AGMO: variants seen among roughly 807,000 people sequenced by gnomAD.
AGMO encodes the protein glyceryl-ether monooxygenase.
A neutral mutation model predicts 60.2 loss-of-function variants in AGMO; 75 were observed. That is an observed-to-expected ratio of 1.25 (90% CI 1.03 to 1.51). The LOEUF (loss-of-function observed/expected upper bound fraction) is 1.51, where lower values mean the gene tolerates loss of function less well. Among genes scored for constraint, AGMO ranks in the 40% most tolerant of loss-of-function variants. AGMO has a pLI of 0.00. For missense variants in AGMO, 763 were observed against 525.5 expected, an observed-to-expected ratio of 1.45 and a Z score of -4.42; for synonymous variants, 261 against 177.1, an observed-to-expected ratio of 1.47 and a Z score of -3.76.
intron 10 of AGMO, among the ~76,000 whole-genome samples, chr7:15,381,883 G>C (rs1001381061): frequency 4.6e-5 from 7 of 152,042 alleles, no homozygotes; most frequent in Non-Finnish European, 1.0e-4. Context: ...AACATGGATG[G>C]AGCTGGAGGC....
At chr7:15,558,161 A>T (rs1785200766) in intron 2 of AGMO, among the ~76,000 whole-genome samples, 1 of 146,768 alleles carries the variant, frequency 6.8e-6, no homozygotes, top group Non-Finnish European at 1.5e-5. Context: ...TACAGTTTGT[A>T]TTTCTGGTAC....
chr7:15,307,225 G>C (rs1780640750), intron 12 of AGMO, among the ~76,000 whole-genome samples: 1 of 151,918 alleles, frequency 6.6e-6, no homozygotes, highest in Admixed American at 6.6e-5. Context: ...ATGACAGACT[G>C]TTCTGCGGCC....
At chr7:15,481,037 C>T (rs1473711815) in intron 3 of AGMO, among the ~76,000 whole-genome samples, 2 of 151,950 alleles carry the variant, frequency 1.3e-5, no homozygotes, top group Non-Finnish European at 2.9e-5. Context: ...TATACATTAA[C>T]ATTAATATGT....
intron 12 of AGMO, among the ~76,000 whole-genome samples, chr7:15,271,968 T>C (rs920966267): frequency 6.6e-6 from 1 of 152,162 alleles, no homozygotes; most frequent in African/African-American, 2.4e-5. Context: ...TGGGTCACAT[T>C]TATTGATTTG....
chr7:15,515,960 G>A (rs1291955833), intron 3 of AGMO, among the ~76,000 whole-genome samples: 2 of 152,120 alleles, frequency 1.3e-5, no homozygotes, highest in African/African-American at 2.4e-5. Flanking sequence ...TCAAGAGATC[G>A]ATCGTACACC....
chr7:15,281,880 G>C (rs1377136164), intron 12 of AGMO, among the ~76,000 whole-genome samples: 1 of 152,110 alleles, frequency 6.6e-6, no homozygotes, highest in Non-Finnish European at 1.5e-5. Flanking sequence ...AGGAGACAGT[G>C]AATTTGCTCA....
intron 3 of AGMO, among the ~76,000 whole-genome samples, chr7:15,539,740 T>C (rs1248834723): frequency 6.6e-6 from 1 of 152,194 alleles, no homozygotes; most frequent in East Asian, 1.9e-4. Flanking sequence ...TGAACTAACT[T>C]GCACTCCCAC....
chr7:15,220,310 C>G (rs1335761838), intron 12 of AGMO, among the ~76,000 whole-genome samples: 1 of 149,404 alleles, frequency 6.7e-6, no homozygotes, highest in African/African-American at 2.5e-5. Flanking sequence ...ACCTCTGCCT[C>G]CTGGGTTCAA....
intron 10 of AGMO, among the ~76,000 whole-genome samples, chr7:15,380,074 G>T (rs1050628084): frequency 2.6e-5 from 4 of 152,142 alleles, no homozygotes; most frequent in Non-Finnish European, 5.9e-5. Context: ...GCAAATGTTG[G>T]AAGCATTCCC....
At chr7:15,296,259 C>CA (rs1784401509) in intron 12 of AGMO, among the ~76,000 whole-genome samples, 1 of 152,016 alleles carries the variant, frequency 6.6e-6, no homozygotes, top group Admixed American at 6.6e-5. Context: ...CCACTCTCTG[C>CA]AAAAATAGAC....
chr7:15,503,774 G>A lies in AGMO; in HGVS notation c.409+40998C>T, dbSNP rs149769436. ...AGCACTTTTTATTTGTACAACATGA[G>A]TCAGGGCATGCAAGGAACATAAGCA... On this transcript the variant is annotated intron_variant, in intron 3 of 12. Transcript: ENST00000342526. Among the ~76,000 whole-genome samples the A allele has an allele frequency of 3.3e-5, 5 of 152,082 alleles. No individual in the cohort carries two copies. In the East Asian group the frequency reaches 9.7e-4, roughly 29 times the overall value.
intron 12 of AGMO, among the ~76,000 whole-genome samples, chr7:15,285,537 G>T (rs1389370418): frequency 6.6e-6 from 1 of 151,916 alleles, no homozygotes; most frequent in African/African-American, 2.4e-5. Flanking sequence ...ATCTCTACAA[G>T]GAGAGCTAAA....
chr7:15,138,848 A>G, the AGMO span, among the ~76,000 whole-genome samples: 1 of 152,196 alleles, frequency 6.6e-6, no homozygotes, highest in Non-Finnish European at 1.5e-5. Context: ...AAAAAATTGT[A>G]AATTGACTTT....
intron 11 of AGMO, 97 bp from the exon 12 acceptor site, chr7:15,365,716 C>G (rs538970707): frequency 1.2e-6 from 1 of 802,848 alleles, no homozygotes; most frequent in South Asian, 1.9e-5. Context: ...TCAAGAAATA[C>G]CTAGTATTTT....
intron 5 of AGMO, among the ~76,000 whole-genome samples, chr7:15,405,116 C>T (rs548806583): frequency 6.6e-6 from 1 of 151,772 alleles, no homozygotes; most frequent in Non-Finnish European, 1.5e-5. Context: ...TATCCTTTCC[C>T]TTGTCCTCTT....
At chr7:15,401,195 T>C (rs1784544269) in intron 5 of AGMO, among the ~76,000 whole-genome samples, 1 of 152,160 alleles carries the variant, frequency 6.6e-6, no homozygotes, top group South Asian at 2.1e-4. Flanking sequence ...AATTGAAAAA[T>C]ACTTTAGAGT....
chr7:15,268,952 T>G (rs1345909499), intron 12 of AGMO, among the ~76,000 whole-genome samples: 1 of 152,054 alleles, frequency 6.6e-6, no homozygotes, highest in African/African-American at 2.4e-5. Context: ...TTTGAAAATA[T>G]AAACAAACAA....
At chr7:15,284,167 G>A (rs896948942) in intron 12 of AGMO, among the ~76,000 whole-genome samples, 1 of 151,588 alleles carries the variant, frequency 6.6e-6, no homozygotes, top group South Asian at 2.1e-4. Flanking sequence ...TCATACCTCA[G>A]GCAACCAGAG....
chr7:15,541,257 G>A (rs1054947005), intron 3 of AGMO, among the ~76,000 whole-genome samples: 2 of 152,030 alleles, frequency 1.3e-5, no homozygotes, highest in African/African-American at 4.8e-5. Context: ...TGAGTAGCTG[G>A]GATTACAGGC....
Sources: gnomAD v4.1 joint callset for allele counts (sites outside exome capture counted in the v4.1 genomes callset) on GRCh38, gnomAD v4.1.1 for gene constraint, MANE v1.5 for transcripts, NCBI Gene and HGNC (gene_info 2026-07-23, HGNC 2026-07-21) for gene names.